GULP1: variants seen among roughly 807,000 people sequenced by gnomAD.
GULP1 encodes the protein PTB domain-containing engulfment adapter protein 1.
Under a neutral mutation model 40.9 loss-of-function variants are expected in GULP1, and 19 were observed. The observed-to-expected ratio is 0.46, with a 90% confidence interval of 0.32 to 0.68. The LOEUF (loss-of-function observed/expected upper bound fraction) is 0.68, where lower values mean the gene tolerates loss of function less well. Among genes scored for constraint, GULP1 ranks in the 30% least tolerant of loss-of-function variants. The probability of loss-of-function intolerance (pLI) is 0.03; values close to 1 mark genes in which losing one functional copy is unlikely to be tolerated. For synonymous variants in GULP1, 119 were observed against 117.6 expected (o/e 1.01, Z -0.08); for missense variants, 312 against 362.2 (o/e 0.86, Z 1.12).
chr2:188,512,522 C>T (rs1003689987), intron 4 of GULP1, among the ~76,000 whole-genome samples: 22 of 152,042 alleles, frequency 1.4e-4, no homozygotes, highest in Admixed American at 2.0e-4. Context: ...AGTTAGACTT[C>T]GTAACTCTTT....
chr2:188,451,064 A>C (rs1304800336), intron 2 of GULP1, among the ~76,000 whole-genome samples: 2 of 152,222 alleles, frequency 1.3e-5, no homozygotes, highest in African/African-American at 2.4e-5. Flanking sequence ...GCTGAAAACA[A>C]ACCACCATTG....
intron 1 of GULP1, among the ~76,000 whole-genome samples, chr2:188,312,717 G>A (rs917078088): frequency 3.3e-5 from 5 of 152,088 alleles, no homozygotes; most frequent in Non-Finnish European, 7.3e-5. Context: ...TTGAGGAATC[G>A]CCATACTGTC....
At chr2:188,316,116 T>G (rs943699397) in intron 1 of GULP1, among the ~76,000 whole-genome samples, 1 of 152,174 alleles carries the variant, frequency 6.6e-6, no homozygotes, top group African/African-American at 2.4e-5. Flanking sequence ...TATTTATTGC[T>G]CTGAATAGAA....
intron 2 of GULP1, among the ~76,000 whole-genome samples, chr2:188,410,861 A>C (rs1420417983): frequency 6.6e-6 from 1 of 152,190 alleles, no homozygotes. Context: ...AGGTTTGCAT[A>C]AGCTCCAGTA....
intron 4 of GULP1, among the ~76,000 whole-genome samples, chr2:188,488,935 C>G (rs550775478): frequency 8.6e-5 from 13 of 151,846 alleles, no homozygotes; most frequent in African/African-American, 2.9e-4. Flanking sequence ...TACAAGTAAT[C>G]AGTTAATGAA....
intron 1 of GULP1, chr2:188,297,541 A>G: frequency 2.2e-6 from 1 of 457,446 alleles, no homozygotes; most frequent in Non-Finnish European, 4.5e-6. Context: ...ACTTTGCCAG[A>G]GCTACAAAGG....
intron 5 of GULP1, among the ~76,000 whole-genome samples, chr2:188,523,900 A>G (rs1685466309): frequency 6.6e-6 from 1 of 152,216 alleles, no homozygotes; most frequent in South Asian, 2.1e-4. Context: ...AAAATCTCCG[A>G]AGATAATATC....
chr2:188,431,647 G>A (rs927838581), intron 2 of GULP1, among the ~76,000 whole-genome samples: 4 of 152,048 alleles, frequency 2.6e-5, no homozygotes, highest in Admixed American at 6.6e-5. Context: ...ACTTAACCAC[G>A]TAGAAAATAT....
intron 7 of GULP1, among the ~76,000 whole-genome samples, chr2:188,544,284 T>A (rs980060207): frequency 7.9e-5 from 12 of 152,154 alleles, no homozygotes; most frequent in African/African-American, 2.9e-4. Context: ...ATTATAATTA[T>A]AGGACAAAGG....
At chr2:188,464,925 A>G (rs2059994588) in intron 2 of GULP1, among the ~76,000 whole-genome samples, 1 of 152,080 alleles carries the variant, frequency 6.6e-6, no homozygotes, top group Non-Finnish European at 1.5e-5. Context: ...TCTCTTCCCC[A>G]GAGAAGGTCC....
rs1236879825 is a variant in GULP1, at chr2:188,594,839, C to CTA, written c.*829_*830dup. On this transcript the variant is annotated 3_prime_UTR_variant, in exon 12 of 12. Transcript: ENST00000409830. ...ATGCTATCTATAGATTCAGTATCTA[C>CTA]TACCCATATTTACTTTACCAAATAT... 4 of 151,694 alleles carry CTA rather than the reference C, an allele frequency of 2.6e-5. No homozygotes were observed. Among genetic ancestry groups the CTA allele is most frequent in the African/African-American group, 4.8e-5 (2 of 41,386 alleles). 9.4% of individuals were successfully genotyped at this position (151,694 alleles called of 1,614,324 possible). A position where few individuals can be genotyped will look rare whatever the true frequency, so the allele number is the denominator to read the frequency against.
At chr2:188,576,428 A>G (rs752399126) in intron 9 of GULP1, among the ~76,000 whole-genome samples, 4 of 152,142 alleles carry the variant, frequency 2.6e-5, no homozygotes, top group Non-Finnish European at 5.9e-5. Context: ...GTATACCTTT[A>G]ATATTTGCTT....
intron 4 of GULP1, among the ~76,000 whole-genome samples, chr2:188,518,110 A>G (rs1050514582): frequency 2.6e-5 from 4 of 152,126 alleles, no homozygotes; most frequent in Admixed American, 6.6e-5. Context: ...ATGGGTTTAT[A>G]TACTAGACTG....
chr2:188,515,845 G>A (rs2065118005), intron 4 of GULP1, among the ~76,000 whole-genome samples: 1 of 152,066 alleles, frequency 6.6e-6, no homozygotes, highest in Non-Finnish European at 1.5e-5. Flanking sequence ...AGGAATAAAT[G>A]AGCATATGTT....
At chr2:188,501,148 A>C (rs1431606573) in intron 4 of GULP1, among the ~76,000 whole-genome samples, 1 of 151,890 alleles carries the variant, frequency 6.6e-6, no homozygotes, top group African/African-American at 2.4e-5. Context: ...CTGTATCCTC[A>C]CCCAAATCTC....
intron 11 of GULP1, chr2:188,591,345 A>G (rs568521568): frequency 6.6e-6 from 1 of 152,234 alleles, no homozygotes; most frequent in South Asian, 2.1e-4. Context: ...GTTCAGAGGT[A>G]ACTATGGCCT....
intron 7 of GULP1, among the ~76,000 whole-genome samples, chr2:188,551,730 G>GTT (rs199610217): frequency 6.6e-6 from 1 of 150,658 alleles, no homozygotes; most frequent in African/African-American, 2.4e-5. Flanking sequence ...ATATTTGCAG[G>GTT]TTTTTTTTTG....
At chr2:188,516,752 C>T (rs1325792947) in intron 4 of GULP1, among the ~76,000 whole-genome samples, 1 of 152,140 alleles carries the variant, frequency 6.6e-6, no homozygotes, top group East Asian at 1.9e-4. Flanking sequence ...GTAGTTGATG[C>T]TACAAGTCCT....
intron 2 of GULP1, among the ~76,000 whole-genome samples, chr2:188,471,924 T>G (rs1390483988): frequency 2.0e-5 from 3 of 152,206 alleles, no homozygotes; most frequent in African/African-American, 7.2e-5. Context: ...ACTAAAGTAC[T>G]TGCTTTAGCA....
Sources: allele counts gnomAD v4.1 joint callset (sites outside exome capture counted in the v4.1 genomes callset), GRCh38; gene constraint gnomAD v4.1.1; transcripts MANE v1.5; gene names NCBI Gene and HGNC (gene_info 2026-07-23, HGNC 2026-07-21).